The following NRG1 variants were observed in gnomAD, a reference collection of about 807,000 sequenced individuals.
NRG1 encodes pro-neuregulin-1, membrane-bound isoform.
A neutral mutation model predicts 63.8 loss-of-function variants in NRG1; 18 were observed. That is an observed-to-expected ratio of 0.28 (90% confidence interval 0.19 to 0.42). NRG1 has a LOEUF of 0.42. Ranked by LOEUF, NRG1 falls within the 10% of genes least tolerant of loss-of-function variation. The pLI is 1.00. For synonymous variants in NRG1, 302 were observed against 301.3 expected (o/e 1.00, Z -0.02); for missense variants, 762 against 814.7 (o/e 0.94, Z 0.79).
intron 5 of NRG1, among the ~76,000 whole-genome samples, chr8:32,715,397 C>T (rs1818920159): frequency 6.6e-6 from 1 of 152,110 alleles, no homozygotes; most frequent in African/African-American, 2.4e-5. Context: ...ATCCAAGGAT[C>T]AGTCTGTAGT....
chr8:32,675,748 A>G (rs995449035), intron 5 of NRG1, among the ~76,000 whole-genome samples: 8 of 152,234 alleles, frequency 5.3e-5, no homozygotes, highest in African/African-American at 1.4e-4. Context: ...GAAGAGGAAG[A>G]AAGAGAACTA....
At chr8:32,727,912 A>C in intron 5 of NRG1, 37 bp from the exon 6 acceptor site, 1 of 1,606,994 alleles carries the variant, frequency 6.2e-7, no homozygotes. Context: ...GGGGAAAAAA[A>C]GTCCATGTTA....
chr8:32,048,482 T>A (rs1441237175), intron 1 of NRG1, among the ~76,000 whole-genome samples: 3 of 141,944 alleles, frequency 2.1e-5, no homozygotes, highest in Non-Finnish European at 4.5e-5. Flanking sequence ...TATATATATA[T>A]ATAGTGGTGG....
chr8:32,028,591 T>C (rs914258375), intron 1 of NRG1, among the ~76,000 whole-genome samples: 5 of 152,186 alleles, frequency 3.3e-5, no homozygotes, highest in East Asian at 1.9e-4. Context: ...CTTATAGTAG[T>C]GTACTGAATA....
At chr8:32,412,453 C>CACATAT (rs1554532918) in intron 1 of NRG1, among the ~76,000 whole-genome samples, 2 of 76,724 alleles carry the variant, frequency 2.6e-5, no homozygotes, top group African/African-American at 1.0e-4. Flanking sequence ...TATATATATA[C>CACATAT]ATATATATAT....
At chr8:32,413,062 A>G (rs545334196) in intron 1 of NRG1, among the ~76,000 whole-genome samples, 28 of 152,272 alleles carry the variant, frequency 1.8e-4, no homozygotes, top group African/African-American at 6.5e-4. Flanking sequence ...TTTGATTCAC[A>G]TTCTCCTAAT....
chr8:31,782,839 C>T (rs191560933), intron 1 of NRG1, among the ~76,000 whole-genome samples: 6 of 152,122 alleles, frequency 3.9e-5, no homozygotes, highest in African/African-American at 4.8e-5. Context: ...GGCTCACATA[C>T]GATGCGGATG....
At chr8:31,970,303 G>C (rs937357032) in intron 1 of NRG1, among the ~76,000 whole-genome samples, 5 of 152,068 alleles carry the variant, frequency 3.3e-5, no homozygotes. Flanking sequence ...GTTCTTTACG[G>C]CCACATAAAT....
At chr8:32,515,251 C>T (rs990138958) in intron 1 of NRG1, among the ~76,000 whole-genome samples, 6 of 152,058 alleles carry the variant, frequency 3.9e-5, no homozygotes, top group African/African-American at 1.4e-4. Flanking sequence ...TAAGCATTCC[C>T]TTTTCTCCAC....
chr8:32,363,310 A>T (rs1240205849), intron 1 of NRG1, among the ~76,000 whole-genome samples: 1 of 152,202 alleles, frequency 6.6e-6, no homozygotes, highest in Admixed American at 6.5e-5. Flanking sequence ...TGTTGCTGTG[A>T]GCATCTGTTG....
intron 1 of NRG1, among the ~76,000 whole-genome samples, chr8:31,822,521 T>G (rs2129603760): frequency 6.6e-6 from 1 of 152,272 alleles, no homozygotes; most frequent in East Asian, 1.9e-4. Flanking sequence ...TGTGTATTTG[T>G]GAATAGTAAT....
chr8:32,265,088 A>G (rs1850778282), intron 1 of NRG1, among the ~76,000 whole-genome samples: 1 of 152,184 alleles, frequency 6.6e-6, no homozygotes, highest in African/African-American at 2.4e-5. Flanking sequence ...CTGTAATCCA[A>G]GCACTGTGGG....
At chr8:31,902,076 A>C (rs1354215236) in intron 1 of NRG1, among the ~76,000 whole-genome samples, 1 of 152,162 alleles carries the variant, frequency 6.6e-6, no homozygotes, top group Non-Finnish European at 1.5e-5. Flanking sequence ...GTGGTTTAAA[A>C]ATTTAAAAAA....
intron 1 of NRG1, among the ~76,000 whole-genome samples, chr8:32,148,411 T>C (rs189425172): frequency 2.1e-4 from 32 of 152,284 alleles, no homozygotes; most frequent in African/African-American, 6.3e-4. Flanking sequence ...ATTTCTTTTC[T>C]TTTTTGAGAC....
chr8:31,640,610 T>A lies in NRG1; in HGVS notation c.37+1179T>A. ...GAGGACAGCAGGTACATCTTCTTCATGGAGCCCGACGCCAACAGCACCAGC... is the reference window on the plus strand; with the variant it reads ...GAGGACAGCAGGTACATCTTCTTCAAGGAGCCCGACGCCAACAGCACCAGC... On this transcript the variant is annotated intron_variant, in intron 1 of 10. Coordinates refer to the NRG1 transcript ENST00000519301. This position sits in a 1 kb window ranked among gnomAD's most constrained non-coding sequence, Gnocchi z 6.3. The A allele has an allele frequency of 6.2e-7, 1 of 1,611,966 alleles. No individual in the cohort carries two copies. The highest frequency in any genetic ancestry group is 8.5e-7 in the Non-Finnish European group (1 of 1,179,556).
At chr8:31,744,551 T>G (rs6983573) in intron 1 of NRG1, among the ~76,000 whole-genome samples, 123,983 of 151,824 alleles carry the variant, frequency 0.82, 50,750 homozygotes, top group Admixed American at 0.86. Context: ...CAGTTTCCGG[T>G]GGATTTATTA....
chr8:32,416,872 G>C (rs1815992135), intron 1 of NRG1, among the ~76,000 whole-genome samples: 1 of 152,202 alleles, frequency 6.6e-6, no homozygotes, highest in Non-Finnish European at 1.5e-5. Flanking sequence ...TTTTGGTAGA[G>C]ACAGGGTTTT....
At chr8:32,633,790 C>T (rs1429352117) in intron 5 of NRG1, among the ~76,000 whole-genome samples, 1 of 152,008 alleles carries the variant, frequency 6.6e-6, no homozygotes. Flanking sequence ...GGTCCTGGTA[C>T]ATATGAGGCA....
At chr8:31,946,176 C>A (rs1339505021) in intron 1 of NRG1, among the ~76,000 whole-genome samples, 1 of 152,204 alleles carries the variant, frequency 6.6e-6, no homozygotes, top group Admixed American at 6.5e-5. Flanking sequence ...TGTCTGACAG[C>A]ATTTTTCCTT....
Sources: allele counts gnomAD v4.1 joint callset (sites outside exome capture counted in the v4.1 genomes callset), GRCh38; gene constraint gnomAD v4.1.1; non-coding constraint Gnocchi (gnomAD v3.1); transcripts MANE v1.5; gene names NCBI Gene and HGNC (gene_info 2026-07-23, HGNC 2026-07-21).